The following KLF13 variants were observed in gnomAD, a reference collection of about 807,000 sequenced individuals.
KLF13 encodes Krueppel-like factor 13.
In KLF13, 8 loss-of-function variants were observed where a neutral mutation model predicts 16.7. The ratio of observed to expected loss-of-function variants is 0.48; its 90% confidence interval spans 0.28 to 0.87. KLF13 has a LOEUF of 0.87. Ranked by LOEUF, KLF13 falls within the 40% of genes least tolerant of loss-of-function variation. The probability of loss-of-function intolerance (pLI) is 0.10; values close to 1 mark genes in which losing one functional copy is unlikely to be tolerated. For missense variants in KLF13, 447 were observed against 452.2 expected (o/e 0.99, Z 0.10); for synonymous variants, 245 against 208.4 (o/e 1.18, Z -1.51).
chr15:31,329,791 A>G (rs72722813), intron 1 of KLF13, among the ~76,000 whole-genome samples: 2,360 of 152,332 alleles, frequency 0.015, 26 homozygotes, highest in Middle Eastern at 0.031. Flanking sequence ...TCAGGTGTGC[A>G]GACATCAGAA....
At chr15:31,405,993 C>G (rs542777670), downstream of KLF13, among the ~76,000 whole-genome samples, 2 of 152,056 alleles carry the variant, frequency 1.3e-5, no homozygotes, top group East Asian at 3.9e-4. Flanking sequence ...GAACAGGAAA[C>G]TAGAGAAAGG....
rs376987236 is a variant in KLF13 at position 31,428,240 on chromosome 15, G to A, written n.118-7130G>A. 1.5e-4 allele frequency among the ~76,000 whole-genome samples: 23 copies of A among 152,228 alleles called. 2 individuals are homozygous for A. The highest frequency in any genetic ancestry group is 9.2e-4 in the Admixed American group (14 of 15,282). On this transcript the variant is annotated intron_variant and non_coding_transcript_variant, in intron 1 of 1. Coordinates refer to the KLF13 transcript ENST00000558225. Reference sequence around the variant, plus strand: ...GAAAAGGATCATTGTTGTTCAGTGGGTATAGAGCTGCAGTTTGCAAGATTT... The same window carrying A: ...GAAAAGGATCATTGTTGTTCAGTGGATATAGAGCTGCAGTTTGCAAGATTT...
downstream of KLF13, among the ~76,000 whole-genome samples, chr15:31,407,372 C>T (rs1000777858): frequency 3.3e-5 from 5 of 151,928 alleles, no homozygotes; most frequent in Admixed American, 2.0e-4. Context: ...CCATGAACTA[C>T]GAGAAAGATA....
At chr15:31,420,622 G>T in intron 1 of KLF13, 1 of 411,338 alleles carries the variant, frequency 2.4e-6, no homozygotes, top group South Asian at 2.1e-5. Context: ...TTACCTTCAA[G>T]AAACCTATTC....
downstream of KLF13, among the ~76,000 whole-genome samples, chr15:31,378,330 CCT>C (rs1348677494): frequency 1.1e-4 from 16 of 152,298 alleles, no homozygotes; most frequent in South Asian, 6.2e-4. Context: ...AGAAAACTCC[CCT>C]GTTTCTAGCT....
intron 1 of KLF13, among the ~76,000 whole-genome samples, chr15:31,387,139 G>C (rs540584453): frequency 6.6e-6 from 1 of 152,230 alleles, no homozygotes. Context: ...GCCAGGGTTT[G>C]AGAGGACCGA....
At position 31,372,160 on chromosome 15, in the gene KLF13, C is replaced by T. The variant is rs2039564094; in HGVS notation, c.728C>T (p.Thr243Ile). Residue 243 changes from threonine to isoleucine, a missense_variant, in exon 2 of 2, where the codon ACC becomes ATC. Physicochemically the swap from Thr to Ile is moderately conservative, Grantham distance 89. Around this residue, in one of 2 missense-constraint regions of KLF13, gnomAD observed 88 missense variants for 169.5 expected, o/e 0.52. Coordinates refer to ENST00000307145, the MANE Select transcript of KLF13 (RefSeq NM_015995.4). The part of the protein sequence containing the change: ...EKRFMRSDHL[T>I]KHARRHANFH... Reference sequence around the variant, plus strand: ...CGCTTCATGCGCAGCGACCACCTGACCAAGCACGCGCGCCGCCACGCCAAC... The same window carrying T: ...CGCTTCATGCGCAGCGACCACCTGATCAAGCACGCGCGCCGCCACGCCAAC... 2 of 1,612,804 alleles carry T rather than the reference C, an allele frequency of 1.2e-6. No individual in the cohort carries two copies. Among genetic ancestry groups the T allele is most frequent in the Non-Finnish European group, 1.7e-6 (2 of 1,179,908 alleles).
intron 2 of KLF13, among the ~76,000 whole-genome samples, chr15:31,399,773 C>T (rs539823355): frequency 6.2e-4 from 94 of 152,358 alleles, no homozygotes; most frequent in Admixed American, 1.0e-3. Flanking sequence ...GGTCTTCTGG[C>T]TTAGGGCTTT....
chr15:31,327,097 C>G lies in KLF13; in HGVS notation c.-116C>G. Reference sequence around the variant, plus strand: ...GCGCGCCCAGCCCAGCCCAGCCCAGCCCGAGGAGAGGGCGCGCCGCGCCCC... The same window carrying G: ...GCGCGCCCAGCCCAGCCCAGCCCAGGCCGAGGAGAGGGCGCGCCGCGCCCC... On this transcript the variant is annotated 5_prime_UTR_variant, in exon 1 of 2. Coordinates refer to ENST00000307145, the MANE Select transcript of KLF13 (RefSeq NM_015995.4). 1.1e-6 allele frequency: 1 copy of G among 948,170 alleles called. No individual in the cohort carries two copies. The highest frequency in any genetic ancestry group is 1.3e-6 in the Non-Finnish European group (1 of 757,250). The allele number at this position is 948,170 out of a possible 1,614,324, so 58.7% of individuals were successfully genotyped here. A position where few individuals can be genotyped will look rare whatever the true frequency, so the allele number is the denominator to read the frequency against.
chr15:31,341,697 C>A (rs889395917), intron 1 of KLF13, among the ~76,000 whole-genome samples: 1 of 152,106 alleles, frequency 6.6e-6, no homozygotes, highest in African/African-American at 2.4e-5. Flanking sequence ...CCACCACACC[C>A]AGCCCAGAAC....
At chr15:31,409,320 C>A (rs1281233592), downstream of KLF13, among the ~76,000 whole-genome samples, 4 of 151,892 alleles carry the variant, frequency 2.6e-5, no homozygotes, top group Admixed American at 6.6e-5. Flanking sequence ...CAAAACAAAC[C>A]AGTTCATCTA....
chr15:31,370,877 G>T (rs930195060), intron 1 of KLF13, among the ~76,000 whole-genome samples: 7 of 152,052 alleles, frequency 4.6e-5, no homozygotes, highest in African/African-American at 1.5e-4. Context: ...GTTGCATTGC[G>T]CTTGGCCTTT....
chr15:31,372,350 C>T lies in KLF13; in HGVS notation c.*51C>T. On this transcript the variant is annotated 3_prime_UTR_variant, in exon 2 of 2. Transcript: ENST00000307145. ...TCCCACCCCCTCGTGAGTCCCTGGCCTTTCCTTTTGTAATAAGAAAGAAGA... is the reference window on the plus strand; with the variant it reads ...TCCCACCCCCTCGTGAGTCCCTGGCTTTTCCTTTTGTAATAAGAAAGAAGA... 7.1e-7 allele frequency: 1 copy of T among 1,399,262 alleles called. No homozygotes were observed. Among genetic ancestry groups the T allele is most frequent in the Admixed American group, 3.0e-5 (1 of 32,878 alleles). 86.7% of individuals were successfully genotyped at this position (1,399,262 alleles called of 1,614,324 possible).
intron 1 of KLF13, among the ~76,000 whole-genome samples, chr15:31,418,697 A>C (rs201514618): frequency 7.4e-4 from 1 of 1,360 alleles, no homozygotes; most frequent in Non-Finnish European, 1.3e-3. Flanking sequence ...AATCAGTAAG[A>C]AAATTTTTTC....
At chr15:31,330,804 A>G (rs1388377733) in intron 1 of KLF13, among the ~76,000 whole-genome samples, 1 of 152,250 alleles carries the variant, frequency 6.6e-6, no homozygotes, top group Non-Finnish European at 1.5e-5. Context: ...ACATCTTTGC[A>G]GCTCGTGCTA....
intron 1 of KLF13, among the ~76,000 whole-genome samples, chr15:31,413,245 T>A (rs2040218509): frequency 1.4e-5 from 2 of 138,460 alleles, no homozygotes; most frequent in South Asian, 2.4e-4. Context: ...CGGGACACCA[T>A]TAAACATAAC....
At chr15:31,369,277 A>G (rs757987925) in intron 1 of KLF13, among the ~76,000 whole-genome samples, 1 of 152,240 alleles carries the variant, frequency 6.6e-6, no homozygotes, top group African/African-American at 2.4e-5. Context: ...GTTCTGAAAC[A>G]TTGACAACTA....
intron 1 of KLF13, among the ~76,000 whole-genome samples, chr15:31,368,338 T>G (rs139745224): frequency 4.7e-4 from 71 of 152,340 alleles, no homozygotes; most frequent in African/African-American, 1.7e-3. Flanking sequence ...TTTCCCAAGC[T>G]TTTAATGACT....
At chr15:31,354,251 A>C (rs2039264333) in intron 1 of KLF13, among the ~76,000 whole-genome samples, 1 of 152,056 alleles carries the variant, frequency 6.6e-6, no homozygotes, top group African/African-American at 2.4e-5. Context: ...CCAAACCCCA[A>C]ACCGTGGTGT....
Sources: gnomAD v4.1 joint callset for allele counts (sites outside exome capture counted in the v4.1 genomes callset) on GRCh38, gnomAD v4.1.1 for gene constraint, gnomAD v4.1.1 regional missense constraint, MANE v1.5 for transcripts, NCBI Gene and HGNC (gene_info 2026-07-23, HGNC 2026-07-21) for gene names.